Variants in NRG1 observed in about 807,000 individuals in gnomAD.
NRG1 encodes the protein neuregulin 1.
NRG1 carries 18 observed loss-of-function variants against 63.8 expected under a neutral mutation model. The observed-to-expected ratio is 0.28, with a 90% CI of 0.19 to 0.42. The LOEUF (loss-of-function observed/expected upper bound fraction) is 0.42, where lower values mean the gene tolerates loss of function less well. Among genes scored for constraint, NRG1 ranks in the 10% least tolerant of loss-of-function variants. NRG1 has a pLI of 1.00. For missense variants in NRG1, 762 were observed against 814.7 expected (o/e 0.94, Z 0.79); for synonymous variants, 302 against 301.3 (o/e 1.00, Z -0.02).
At chr8:32,509,750 T>C (rs1828947893) in intron 1 of NRG1, among the ~76,000 whole-genome samples, 1 of 152,204 alleles carries the variant, frequency 6.6e-6, no homozygotes, top group Non-Finnish European at 1.5e-5. Flanking sequence ...AAAAGGCAGC[T>C]ATATGTTTGG....
At chr8:31,646,765 C>A (rs1034718948) in intron 1 of NRG1, among the ~76,000 whole-genome samples, 3 of 152,146 alleles carry the variant, frequency 2.0e-5, no homozygotes, top group African/African-American at 7.2e-5. Context: ...AATCACTGTT[C>A]TAGCCTAAAT....
At chr8:32,330,635 C>A (rs1243795748) in intron 1 of NRG1, among the ~76,000 whole-genome samples, 1 of 152,170 alleles carries the variant, frequency 6.6e-6, no homozygotes, top group Non-Finnish European at 1.5e-5. Flanking sequence ...TTGGGGTTGA[C>A]CCCAGGAAAA....
At position 32,600,086 on chromosome 8, in the gene NRG1, T is replaced by C. The variant is rs554095827; in HGVS notation, c.278+4081T>C. ...CCTCAGTGGCATTCCATATGGTTTA[T>C]GTGAGGCACTTGGTACAGTGACTGG... On this transcript the variant is annotated intron_variant, in intron 2 of 11. Transcript: ENST00000356819. Among the ~76,000 whole-genome samples the C allele has an allele frequency of 3.7e-4, 57 of 152,258 alleles. 1 individual carries two copies. In the South Asian group the frequency reaches 0.012, roughly 31 times the overall value.
intron 1 of NRG1, among the ~76,000 whole-genome samples, chr8:32,570,724 T>C (rs1469854950): frequency 6.6e-6 from 1 of 152,230 alleles, no homozygotes; most frequent in African/African-American, 2.4e-5. Context: ...ACTCTTGTTT[T>C]GAAAGGACCC....
intron 1 of NRG1, among the ~76,000 whole-genome samples, chr8:32,420,905 G>A (rs1206030569): frequency 1.3e-5 from 2 of 152,098 alleles, no homozygotes; most frequent in Non-Finnish European, 2.9e-5. Context: ...ATGATAGTGA[G>A]TGAGTTCTCA....
intron 1 of NRG1, among the ~76,000 whole-genome samples, chr8:31,780,707 G>A (rs1199986739): frequency 6.6e-6 from 1 of 152,106 alleles, no homozygotes; most frequent in South Asian, 2.1e-4. Context: ...TTAATGATCT[G>A]TGAACAAATA....
chr8:32,307,291 T>C lies in NRG1; in HGVS notation c.38-288537T>C, dbSNP rs569866038. Among the ~76,000 whole-genome samples, 147 of 152,248 alleles carry C rather than the reference T, an allele frequency of 9.7e-4. 1 individual carries two copies. The highest frequency in any genetic ancestry group is 3.4e-3 in the African/African-American group (141 of 41,536). On this transcript the variant is annotated intron_variant, in intron 1 of 10. Coordinates refer to the NRG1 transcript ENST00000519301. ...TGCAAATCAAAAGACTAGATGTAGC[T>C]AATTAGACATGGGAAAAGGGTGGTT... is the stretch of plus-strand genomic sequence containing the variant.
chr8:32,349,266 T>G (rs1408102604), intron 1 of NRG1, among the ~76,000 whole-genome samples: 11 of 152,216 alleles, frequency 7.2e-5, no homozygotes, highest in Non-Finnish European at 1.6e-4. Flanking sequence ...ACAGGATATA[T>G]CTTGGCAGAC....
chr8:31,764,597 T>C (rs1186483793), intron 1 of NRG1, among the ~76,000 whole-genome samples: 1 of 152,208 alleles, frequency 6.6e-6, no homozygotes, highest in Non-Finnish European at 1.5e-5. Context: ...GAATAATCTA[T>C]ATATACAAAA....
At chr8:32,061,610 G>T (rs1823876404) in intron 1 of NRG1, 2 of 152,114 alleles carry the variant, frequency 1.3e-5, no homozygotes, top group South Asian at 4.2e-4. Flanking sequence ...CATTGTAGAT[G>T]ACCATGAATT....
intron 1 of NRG1, among the ~76,000 whole-genome samples, chr8:32,234,626 G>T (rs558219555): frequency 3.9e-5 from 6 of 152,268 alleles, no homozygotes; most frequent in South Asian, 4.2e-4. Context: ...ATAGGACAGT[G>T]ACTTCACAAT....
intron 5 of NRG1, among the ~76,000 whole-genome samples, chr8:32,673,994 AT>A (rs1182664673): frequency 1.3e-5 from 2 of 152,162 alleles, no homozygotes; most frequent in Non-Finnish European, 2.9e-5. Flanking sequence ...ATCTTGACTC[AT>A]TTTAATTTAT....
At chr8:32,754,275 C>T in intron 7 of NRG1, 97 bp from the exon 8 acceptor site, 2 of 964,474 alleles carry the variant, frequency 2.1e-6, no homozygotes, top group Non-Finnish European at 3.3e-6. Flanking sequence ...TTCTTGTGAA[C>T]ATGGACAATG....
At chr8:32,556,351 A>G (rs1835174043) in intron 1 of NRG1, among the ~76,000 whole-genome samples, 1 of 152,250 alleles carries the variant, frequency 6.6e-6, no homozygotes, top group Non-Finnish European at 1.5e-5. Context: ...AATCATATCC[A>G]TATTAAATGA....
chr8:31,746,234 G>A (rs1319434054), intron 1 of NRG1, among the ~76,000 whole-genome samples: 1 of 151,978 alleles, frequency 6.6e-6, no homozygotes, highest in Non-Finnish European at 1.5e-5. Context: ...CCAAGCTTTT[G>A]TGGAAAAACA....
chr8:32,259,352 C>A (rs1345271887), intron 1 of NRG1, among the ~76,000 whole-genome samples: 1 of 152,088 alleles, frequency 6.6e-6, no homozygotes, highest in African/African-American at 2.4e-5. Flanking sequence ...TTAGTTATCA[C>A]AGGAGTGGGT....
intron 1 of NRG1, among the ~76,000 whole-genome samples, chr8:31,728,266 C>T (rs546245536): frequency 6.6e-6 from 1 of 152,142 alleles, no homozygotes; most frequent in Non-Finnish European, 1.5e-5. Flanking sequence ...GAGTTTGAGA[C>T]CAGCCTGGCC....
rs547371935 is a variant in NRG1 at position 32,728,671 on chromosome 8, T to A, written c.632+593T>A. Reference sequence around the variant, plus strand: ...ATTTGGAAATACATTGTATGTAGCATCCCTGTGGGTGACAGCAGTGTTCTT... The same window carrying A: ...ATTTGGAAATACATTGTATGTAGCAACCCTGTGGGTGACAGCAGTGTTCTT... On this transcript the variant is annotated intron_variant, in intron 6 of 11. Coordinates refer to ENST00000356819, the Ensembl canonical transcript of NRG1. 5 of 984,256 alleles carry A rather than the reference T, an allele frequency of 5.1e-6. No homozygotes were observed. In the Admixed American group the frequency reaches 3.1e-4, roughly 60 times the overall value. 61.0% of individuals were successfully genotyped at this position (984,256 alleles called of 1,614,324 possible).
chr8:32,088,573 A>G (rs1828632331), intron 1 of NRG1, among the ~76,000 whole-genome samples: 1 of 148,488 alleles, frequency 6.7e-6, no homozygotes, highest in Admixed American at 6.7e-5. Flanking sequence ...GCTGGAGTGC[A>G]GTGGTGCGAT....
Sources: gnomAD v4.1 joint callset for allele counts (sites outside exome capture counted in the v4.1 genomes callset) on GRCh38, gnomAD v4.1.1 for gene constraint, MANE v1.5 for transcripts, NCBI Gene and HGNC (gene_info 2026-07-23, HGNC 2026-07-21) for gene names.